Variants in AKAP1 observed in about 807,000 individuals in gnomAD.
The protein encoded by AKAP1 is A-kinase anchoring protein 1.
In AKAP1, 32 loss-of-function variants were observed where a neutral mutation model predicts 79.8. That is an observed-to-expected ratio of 0.40 (90% CI 0.30 to 0.54). The LOEUF is 0.54. Ranked by LOEUF, AKAP1 falls within the 20% of genes least tolerant of loss-of-function variation. AKAP1 has a pLI of 0.47. For missense variants in AKAP1, 961 were observed against 1,138.9 expected (o/e 0.84, Z 2.25); for synonymous variants, 416 against 466.7 (o/e 0.89, Z 1.40).
rs1027322861 is a variant in AKAP1 at position 57,120,303 on chromosome 17, C to A, written c.2691C>A (p.Asp897Glu). The A allele has an allele frequency of 6.2e-7, 1 of 1,613,722 alleles. No individual in the cohort carries two copies. The highest frequency in any genetic ancestry group is 1.3e-5 in the African/African-American group (1 of 74,876). ...AGCGAGGCCTTGCCCAGTGGGTAGA[C>A]AGCTACTACACAAGCCTTTGACCCC... ...LVERGLAQWVDSYYTSL is the reference protein window; with the variant it reads ...LVERGLAQWVESYYTSL The change falls in exon 11 of 11, where the codon GAC becomes GAA. Residue 897 changes from aspartate (D) to glutamate (E), a missense_variant. Around this residue, in one of 3 missense-constraint regions of AKAP1, gnomAD observed 629 missense variants for 781.1 expected, o/e 0.81. Transcript: ENST00000337714.
At chr17:57,108,150 G>T (rs1259240557) in intron 2 of AKAP1, 7 of 587,220 alleles carry the variant, frequency 1.2e-5, no homozygotes, top group Non-Finnish European at 1.6e-5. Context: ...TGACTTGTTT[G>T]TCCTGGAGCC....
intron 5 of AKAP1, among the ~76,000 whole-genome samples, 192 bp downstream of exon 5, chr17:57,112,810 G>A (rs1597986884): frequency 6.6e-6 from 1 of 152,342 alleles, no homozygotes; most frequent in South Asian, 2.1e-4. Flanking sequence ...TGGTGATAGC[G>A]CTGGCAGGAA....
chr17:57,089,575 G>C (rs148485190), intron 1 of AKAP1, among the ~76,000 whole-genome samples: 1 of 152,162 alleles, frequency 6.6e-6, no homozygotes, highest in South Asian at 2.1e-4. Context: ...TTCCATAATC[G>C]AAGAAAGTTT....
In AKAP1 at chr17:57,116,268, G is replaced by A. The variant is rs143304988; in HGVS notation, c.2432+7G>A. On this transcript the variant is annotated splice_region_variant and intron_variant, in intron 7 of 10. Transcript: ENST00000337714. Reference sequence around the variant, plus strand: ...ACGTGCTCCGGCAAATCAGGTGAGCGGAGATGCCTCAGGCAGGCCTACGCC... The same window carrying A: ...ACGTGCTCCGGCAAATCAGGTGAGCAGAGATGCCTCAGGCAGGCCTACGCC... The A allele has an allele frequency of 2.8e-3, 4,476 of 1,614,018 alleles. 15 individuals carry two copies. Among genetic ancestry groups the A allele is most frequent in the Middle Eastern group, 5.0e-3 (30 of 6,060 alleles).
intron 2 of AKAP1, among the ~76,000 whole-genome samples, chr17:57,109,378 A>C (rs555691018): frequency 2.0e-5 from 3 of 152,358 alleles, no homozygotes; most frequent in African/African-American, 7.2e-5. Context: ...TATTTGAGCC[A>C]GAAGAGTGTT....
intron 1 of AKAP1, among the ~76,000 whole-genome samples, chr17:57,100,533 C>G (rs534721009): frequency 1.3e-5 from 2 of 152,318 alleles, no homozygotes; most frequent in East Asian, 1.9e-4. Context: ...GGGAGAATCA[C>G]TTGAACCTAG....
At chr17:57,117,870 G>C (rs770549487) in intron 8 of AKAP1, among the ~76,000 whole-genome samples, 1 of 152,164 alleles carries the variant, frequency 6.6e-6, no homozygotes, top group Non-Finnish European at 1.5e-5. Context: ...TGCTGCCGCA[G>C]CGCCTTGCCC....
At position 57,086,585 on chromosome 17, in the gene AKAP1, A is replaced by G. The variant is rs1789111009; in HGVS notation, c.-25+1187A>G. On this transcript the variant is annotated intron_variant, in intron 1 of 10. Transcript: ENST00000337714. The surrounding 1 kb of genome is among the most constrained non-coding windows in gnomAD (Gnocchi z 5.1). ...CTGGGTAGGGTGTATGCGCAGGGCAATTAGTGAGGTTAACCTGGGTATCTT... is the reference window on the plus strand; with the variant it reads ...CTGGGTAGGGTGTATGCGCAGGGCAGTTAGTGAGGTTAACCTGGGTATCTT... 2.7e-6 allele frequency: 1 copy of G among 368,576 alleles called. No homozygotes were observed. The highest frequency in any genetic ancestry group is 5.3e-6 in the Non-Finnish European group (1 of 187,550). 22.8% of individuals were successfully genotyped at this position (368,576 alleles called of 1,614,324 possible). A position where few individuals can be genotyped will look rare whatever the true frequency, so the allele number is the denominator to read the frequency against.
At chr17:57,116,979 G>A in intron 8 of AKAP1, 52 bp downstream of exon 8, 2 of 1,549,224 alleles carry the variant, frequency 1.3e-6, no homozygotes, top group South Asian at 1.1e-5. Context: ...GTTGTTGAGA[G>A]TAGGTCTTTC....
intron 1 of AKAP1, among the ~76,000 whole-genome samples, chr17:57,102,908 C>A (rs1307603660): frequency 1.3e-5 from 2 of 152,086 alleles, no homozygotes; most frequent in African/African-American, 4.8e-5. Flanking sequence ...GGCGAAACCC[C>A]GTCTCTACCA....
At chr17:57,108,088 G>T (rs1014466015) in intron 2 of AKAP1, 1 of 1,122,558 alleles carries the variant, frequency 8.9e-7, no homozygotes, top group South Asian at 1.7e-5. Flanking sequence ...GCACCCTGGG[G>T]TGTTTTCATT....
At chr17:57,112,369 A>G in intron 4 of AKAP1, 122 bp from the exon 5 acceptor site, 1 of 1,242,018 alleles carries the variant, frequency 8.1e-7, no homozygotes, top group Non-Finnish European at 1.1e-6. Flanking sequence ...TTGTTACCTC[A>G]AAGATGCACT....
Position 57,110,095 on chromosome 17 carries a change from T to C in AKAP1, c.1785T>C (p.Asn595=). 6.2e-7 allele frequency: 1 copy of C among 1,614,134 alleles called. No homozygotes were observed. ...TCAAGAAGACTGAGAGCTTCCAAAATGCCCAGGCAGGCTCCAACCCTAAGA... is the reference window on the plus strand; with the variant it reads ...TCAAGAAGACTGAGAGCTTCCAAAACGCCCAGGCAGGCTCCAACCCTAAGA... ...CSLKKTESFQ[N]AQAGSNPKKV... The change falls in exon 3 of 11, where the codon AAT becomes AAC. Residue 595 remains asparagine, a synonymous_variant. Transcript: ENST00000337714.
At chr17:57,089,360 A>G (rs1913645759) in intron 1 of AKAP1, among the ~76,000 whole-genome samples, 1 of 152,200 alleles carries the variant, frequency 6.6e-6, no homozygotes, top group African/African-American at 2.4e-5. Context: ...TTATTTTTAA[A>G]GATAGCTTTA....
rs1915553781 is a variant in AKAP1 at position 57,115,974 on chromosome 17, G to A, written c.2282-137G>A. ...TTGGGGGAGGCTTTGCTTGGGGCCGGTTGCTGTTCCTGTCCCCTGCACTGT... is the reference window on the plus strand; with the variant it reads ...TTGGGGGAGGCTTTGCTTGGGGCCGATTGCTGTTCCTGTCCCCTGCACTGT... On this transcript the variant is annotated intron_variant, in intron 6 of 10. Coordinates refer to ENST00000337714, the MANE Select transcript of AKAP1 (RefSeq NM_003488.4). 1.6e-5 allele frequency: 17 copies of A among 1,034,058 alleles called. 1 individual carries two copies. In the South Asian group the frequency reaches 2.9e-4, roughly 18 times the overall value. The allele number at this position is 1,034,058 out of a possible 1,614,324, so 64.1% of individuals were successfully genotyped here. A position where few individuals can be genotyped will look rare whatever the true frequency, so the allele number is the denominator to read the frequency against.
At chr17:57,102,386 C>A (rs753888411) in intron 1 of AKAP1, among the ~76,000 whole-genome samples, 2 of 152,054 alleles carry the variant, frequency 1.3e-5, no homozygotes, top group African/African-American at 4.8e-5. Flanking sequence ...GCTCATATAG[C>A]GCCTCTTCCC....
At position 57,106,692 on chromosome 17, in the gene AKAP1, G is replaced by A. The variant is rs1335186656; in HGVS notation, c.1228G>A (p.Ala410Thr). 7 of 1,614,058 alleles carry A rather than the reference G, an allele frequency of 4.3e-6. No individual in the cohort carries two copies. Among genetic ancestry groups the A allele is most frequent in the Non-Finnish European group, 5.9e-6 (7 of 1,180,018 alleles). The change falls in exon 2 of 11, where the codon GCA becomes ACA. Residue 410 changes from alanine to threonine, a missense_variant. By Grantham distance (58) the Ala-to-Thr change is moderately conservative. Transcript: ENST00000337714. ...CACTGCGGAGCCTGCCACAGCAGAG[G>A]CAGCTGTTGCCCCGCCGGATGCTGG... is the stretch of plus-strand genomic sequence containing the variant. ...PDTAEPATAE[A>T]AVAPPDAGLP...
chr17:57,118,560 T>A (rs755480993), intron 9 of AKAP1, 106 bp downstream of exon 9: 38 of 1,172,124 alleles, frequency 3.2e-5, no homozygotes, highest in Non-Finnish European at 4.4e-5. Context: ...CCAGCAGTAT[T>A]TAAGGAAAGG....
intron 1 of AKAP1, among the ~76,000 whole-genome samples, chr17:57,088,661 T>C (rs1166996740): frequency 2.0e-5 from 3 of 152,252 alleles, no homozygotes; most frequent in Non-Finnish European, 4.4e-5. Flanking sequence ...ATCTTTCTGC[T>C]GCTTTCTAAG....
Sources: gnomAD v4.1 joint callset for allele counts (sites outside exome capture counted in the v4.1 genomes callset) on GRCh38, gnomAD v4.1.1 for gene constraint, gnomAD v4.1.1 regional missense constraint, Gnocchi (gnomAD v3.1) non-coding constraint, MANE v1.5 for transcripts, NCBI Gene and HGNC (gene_info 2026-07-23, HGNC 2026-07-21) for gene names.